The following RELL1 variants were observed in gnomAD, a reference collection of about 807,000 sequenced individuals.
RELL1 encodes RELT like 1.
RELL1 carries 10 observed loss-of-function variants against 23.0 expected under a neutral mutation model. The observed-to-expected ratio is 0.43, with a 90% CI of 0.27 to 0.74. The LOEUF (loss-of-function observed/expected upper bound fraction) is 0.74. RELL1 is among the 30% of genes least tolerant of loss of function. RELL1 has a pLI of 0.19. For missense variants in RELL1, 315 were observed against 364.4 expected, an observed-to-expected ratio of 0.86 and a Z score of 1.10; for synonymous variants, 146 against 146.8, an observed-to-expected ratio of 0.99 and a Z score of 0.04.
chr4:37,655,251 A>G (rs1483245318), intron 1 of RELL1, among the ~76,000 whole-genome samples: 1 of 152,068 alleles, frequency 6.6e-6, no homozygotes, highest in Non-Finnish European at 1.5e-5. Flanking sequence ...AAATATATAT[A>G]TATATATATA....
intron 1 of RELL1, among the ~76,000 whole-genome samples, chr4:37,668,397 G>T (rs950542453): frequency 2.6e-5 from 4 of 152,148 alleles, no homozygotes; most frequent in Non-Finnish European, 5.9e-5. Flanking sequence ...CGTATTTTTT[G>T]GGTGGAGACG....
intron 6 of RELL1, among the ~76,000 whole-genome samples, chr4:37,626,402 C>T (rs1310670158): frequency 6.6e-6 from 1 of 152,074 alleles, no homozygotes; most frequent in African/African-American, 2.4e-5. Flanking sequence ...CGTCTGAACC[C>T]GGGAGGCAGA....
chr4:37,675,331 T>A (rs552066056), intron 1 of RELL1, among the ~76,000 whole-genome samples: 23 of 152,322 alleles, frequency 1.5e-4, no homozygotes, highest in African/African-American at 5.5e-4. Flanking sequence ...TTGAGAACAA[T>A]GAACACACAC....
Position 37,620,027 on chromosome 4 carries a change from C to T in RELL1, c.*4-6685G>A, listed in dbSNP as rs199957218. Among the ~76,000 whole-genome samples, 4 of 152,066 alleles carry T rather than the reference C, an allele frequency of 2.6e-5. No homozygotes were observed. The East Asian group carries it at 7.7e-4, about 29-fold the overall frequency. ...TCTTCCATGAGTTGCATATTATAAC[C>T]CCCAATTTGAGAAGGGGGCTTAATA... On this transcript the variant is annotated intron_variant, in intron 6 of 6. Transcript: ENST00000454158.
At chr4:37,628,958 CA>C (rs905463111) in intron 6 of RELL1, among the ~76,000 whole-genome samples, 5 of 152,078 alleles carry the variant, frequency 3.3e-5, no homozygotes, top group Non-Finnish European at 7.4e-5. Context: ...AGATTCGGGC[CA>C]AAAAAACCAG....
At chr4:37,648,250 G>C (rs1245724805) in intron 2 of RELL1, among the ~76,000 whole-genome samples, 1 of 152,224 alleles carries the variant, frequency 6.6e-6, no homozygotes, top group Non-Finnish European at 1.5e-5. Flanking sequence ...AGGAGGAGAG[G>C]GGGAGGCTCC....
intron 1 of RELL1, among the ~76,000 whole-genome samples, chr4:37,655,716 C>T (rs564971092): frequency 1.4e-4 from 22 of 152,248 alleles, no homozygotes; most frequent in Admixed American, 7.2e-4. Context: ...GTTTTGAACA[C>T]GCAGAAATAG....
At chr4:37,596,736 A>ATATATATATATATATATATATATTT (rs1365185216) in intron 6 of RELL1, among the ~76,000 whole-genome samples, 1 of 16,496 alleles carries the variant, frequency 6.1e-5, no homozygotes, top group Non-Finnish European at 1.5e-4. Flanking sequence ...ATATATATAT[A>ATATATATATATATATATATATATTT]TTTTTTTTTT....
intron 4 of RELL1, 77 bp downstream of exon 4, chr4:37,638,370 G>A: frequency 1.8e-6 from 2 of 1,138,842 alleles, no homozygotes; most frequent in Non-Finnish European, 2.6e-6. Context: ...TCTAGCAGAA[G>A]AGCATTTCAG....
chr4:37,680,923 C>A (rs1165251938), intron 1 of RELL1, among the ~76,000 whole-genome samples: 21 of 124,102 alleles, frequency 1.7e-4, no homozygotes, highest in Admixed American at 1.6e-3. Context: ...CAGAGCAACA[C>A]TCCATCTCAA....
downstream of RELL1, chr4:37,588,643 C>T (rs1029277765): frequency 2.5e-5 from 13 of 523,440 alleles, no homozygotes; most frequent in South Asian, 8.0e-5. Context: ...TGTCAGTGAA[C>T]GTTTGAGAAC....
At chr4:37,619,269 G>A (rs767395817) in intron 6 of RELL1, among the ~76,000 whole-genome samples, 8 of 151,070 alleles carry the variant, frequency 5.3e-5, no homozygotes, top group African/African-American at 1.7e-4. Context: ...TGCAACCTCC[G>A]CCTCCCAAGT....
Position 37,590,981 on chromosome 4 carries a change from A to T in RELL1, c.*240T>A, listed in dbSNP as rs763030177. On this transcript the variant is annotated 3_prime_UTR_variant, in exon 7 of 7. Coordinates refer to the RELL1 transcript ENST00000314117. ...TTAGAAGCTGCTACTGCAGGAGAAG[A>T]TTTGGATGAGACTGATTAGGGGAGG... The T allele has an allele frequency of 7.4e-6, 12 of 1,612,060 alleles. 1 individual carries two copies. Among genetic ancestry groups the T allele is most frequent in the Admixed American group, 3.3e-5 (2 of 59,872 alleles).
chr4:37,632,727 T>C (rs1019083356), intron 5 of RELL1, among the ~76,000 whole-genome samples: 6 of 152,204 alleles, frequency 3.9e-5, no homozygotes, highest in African/African-American at 7.2e-5. Flanking sequence ...ATTTTCATTA[T>C]AGATTAAGGA....
intron 1 of RELL1, among the ~76,000 whole-genome samples, chr4:37,671,083 G>T (rs1721819262): frequency 6.6e-6 from 1 of 152,076 alleles, no homozygotes; most frequent in Non-Finnish European, 1.5e-5. Context: ...ATACCACCTA[G>T]CATTTAGTGC....
intron 3 of RELL1, among the ~76,000 whole-genome samples, chr4:37,640,563 C>T (rs1233134349): frequency 6.6e-6 from 1 of 152,188 alleles, no homozygotes; most frequent in African/African-American, 2.4e-5. Context: ...CACCAAAATC[C>T]ACAGATGCTC....
chr4:37,601,075 G>A (rs1719003573), intron 6 of RELL1, among the ~76,000 whole-genome samples: 2 of 152,074 alleles, frequency 1.3e-5, no homozygotes, highest in African/African-American at 4.8e-5. Flanking sequence ...GGTAGATCTG[G>A]GTTCATTCAA....
rs560566823 is a variant in RELL1, at chr4:37,658,963, A to G, written c.89-9463T>C. 3.3e-5 allele frequency among the ~76,000 whole-genome samples: 5 copies of G among 151,612 alleles called. No homozygotes were observed. In the South Asian group the frequency reaches 8.3e-4, roughly 25 times the overall value. On this transcript the variant is annotated intron_variant, in intron 1 of 6. Coordinates refer to ENST00000454158, the MANE Select transcript of RELL1 (RefSeq NM_001085400.2). ...TACTATTTGCCCTTATCACCAATCA[A>G]TCTCCCTCCCAACTCCCAAATCACA...
chr4:37,588,947 C>T (rs1456779004), downstream of RELL1: 7 of 1,456,378 alleles, frequency 4.8e-6, no homozygotes, highest in African/African-American at 5.6e-5. Context: ...TTGTGATGAG[C>T]GTGGGGTCAC....
Sources: gnomAD v4.1 joint callset for allele counts (sites outside exome capture counted in the v4.1 genomes callset) on GRCh38, gnomAD v4.1.1 for gene constraint, MANE v1.5 for transcripts, NCBI Gene and HGNC (gene_info 2026-07-23, HGNC 2026-07-21) for gene names.